FOLH1: variants seen among roughly 807,000 people sequenced by gnomAD.
FOLH1 encodes the protein glutamate carboxypeptidase 2.
Under a neutral mutation model 93.9 loss-of-function variants are expected in FOLH1, and 54 were observed. The observed-to-expected ratio is 0.57, with a 90% confidence interval of 0.46 to 0.72. FOLH1 has a LOEUF of 0.72. FOLH1 is among the 30% of genes least tolerant of loss of function. The pLI, the probability that FOLH1 is intolerant of heterozygous loss-of-function variation, is 0.00. For synonymous variants in FOLH1, 249 were observed against 303.6 expected (o/e 0.82, Z 1.87); for missense variants, 571 against 892.5 (o/e 0.64, Z 4.59).
intron 7 of FOLH1, among the ~76,000 whole-genome samples, chr11:49,181,190 C>T (rs1860688582): frequency 6.6e-6 from 1 of 151,370 alleles, no homozygotes; most frequent in South Asian, 2.1e-4. Context: ...TCACTGCAAC[C>T]TCTGCCTCCC....
rs750250735 is a variant in FOLH1 at position 49,156,732 on chromosome 11, C to G, written c.1608G>C (p.Arg536=). Residue 536 remains arginine, a synonymous_variant, in exon 15 of 19, where the codon CGG becomes CGC. Coordinates refer to ENST00000256999, the MANE Select transcript of FOLH1 (RefSeq NM_004476.3). ...ATTCACTTACCCAATTTTTAGTATA[C>G]CGTGCTCTGCCTGAAGCAATTCCAA... ...QRLGIASGRA[R]YTKNWETNKF... is the part of the protein sequence containing the mutation. 1.2e-6 allele frequency: 2 copies of G among 1,612,534 alleles called. No homozygotes were observed. The highest frequency in any genetic ancestry group is 2.7e-5 in the African/African-American group (2 of 74,814).
chr11:49,174,420 T>G (rs1401266448), intron 9 of FOLH1, among the ~76,000 whole-genome samples: 1 of 152,206 alleles, frequency 6.6e-6, no homozygotes, highest in Non-Finnish European at 1.5e-5. Context: ...GGAAATCATA[T>G]GTCCATATAT....
At chr11:49,204,070 G>C (rs1372646932) in intron 2 of FOLH1, among the ~76,000 whole-genome samples, 3 of 152,334 alleles carry the variant, frequency 2.0e-5, no homozygotes, top group African/African-American at 7.2e-5. Context: ...GAGAGACTCA[G>C]ATGGGCCTGT....
intron 10 of FOLH1, among the ~76,000 whole-genome samples, chr11:49,172,452 T>C (rs957157933): frequency 1.3e-5 from 2 of 152,144 alleles, no homozygotes; most frequent in Non-Finnish European, 2.9e-5. Context: ...TCTCTTATGC[T>C]GCCACATGCT....
At chr11:49,190,525 G>A (rs1355893054) in intron 4 of FOLH1, among the ~76,000 whole-genome samples, 1 of 152,100 alleles carries the variant, frequency 6.6e-6, no homozygotes, top group Non-Finnish European at 1.5e-5. Context: ...ACAGAATTGG[G>A]AGGCAAAACC....
intron 3 of FOLH1, 50 bp from the exon 4 acceptor site, chr11:49,192,944 A>G (rs1269828563): frequency 6.8e-7 from 1 of 1,478,154 alleles, no homozygotes; most frequent in Non-Finnish European, 9.1e-7. Context: ...AAGTTTGATT[A>G]CTGTAATCAA....
At chr11:49,169,167 C>A (rs1264726239) in intron 12 of FOLH1, 28 bp downstream of exon 12, 2 of 1,608,634 alleles carry the variant, frequency 1.2e-6, no homozygotes, top group Non-Finnish European at 1.7e-6. Flanking sequence ...TTAATCACAT[C>A]TTTTCTTATG....
chr11:49,154,636 T>C, intron 15 of FOLH1, 144 bp from the exon 16 acceptor site: 1 of 1,447,918 alleles, frequency 6.9e-7, no homozygotes, highest in Non-Finnish European at 9.1e-7. Flanking sequence ...ACATCCTAAA[T>C]GGCTAATATT....
rs1193032047 is a variant in FOLH1 at position 49,155,835 on chromosome 11, T to TATATAA, written c.1623+881_1623+882insTTATAT. On this transcript the variant is annotated intron_variant, in intron 15 of 18. Coordinates refer to ENST00000256999, the MANE Select transcript of FOLH1 (RefSeq NM_004476.3). The stretch of plus-strand genomic sequence containing the variant: ...ATATATATATATATATATATATATA[T>TATATAA]AATCAACAACAAAAGAAAGGGAATC... Among the ~76,000 whole-genome samples, 1,022 of 121,690 alleles carry TATATAA rather than the reference T, an allele frequency of 8.4e-3. 26 individuals are homozygous for TATATAA. The highest frequency in any genetic ancestry group is 0.013 in the Non-Finnish European group (743 of 58,864). The allele number at this position is 121,690 out of a possible 152,430, so 79.8% of individuals were successfully genotyped here. A position where few individuals can be genotyped will look rare whatever the true frequency, so the allele number is the denominator to read the frequency against.
At chr11:49,206,604 T>A (rs1182087588) in intron 1 of FOLH1, among the ~76,000 whole-genome samples, 1 of 152,258 alleles carries the variant, frequency 6.6e-6, no homozygotes, top group Non-Finnish European at 1.5e-5. Flanking sequence ...TTATAACGAA[T>A]TAATTATGAA....
At chr11:49,176,938 C>G (rs569123209) in intron 7 of FOLH1, among the ~76,000 whole-genome samples, 1 of 152,282 alleles carries the variant, frequency 6.6e-6, no homozygotes, top group East Asian at 1.9e-4. Flanking sequence ...TGGAGAATTT[C>G]AATCTGTCCT....
rs112778000 is a variant in FOLH1 at position 49,192,294 on chromosome 11, G to T, written c.513+499C>A. ...AATATTAATAAAGAAGGCCCAAAGT[G>T]CAAAAACATAAGGAAAATAATTTGA... On this transcript the variant is annotated intron_variant, in intron 4 of 18. Coordinates refer to ENST00000256999, the MANE Select transcript of FOLH1 (RefSeq NM_004476.3). 8.5e-3 allele frequency among the ~76,000 whole-genome samples: 1,286 copies of T among 152,152 alleles called. 18 individuals are homozygous for T. Among genetic ancestry groups the T allele is most frequent in the African/African-American group, 0.03 (1,239 of 41,520 alleles).
In FOLH1 at chr11:49,146,755, C is replaced by G. The variant is rs1855809785; in HGVS notation, c.*1G>C. ...CAATACGGATTCTCTAAAGAATCCT[C>G]TTAGGCTACTTCACTCAAAGTCTCT... On this transcript the variant is annotated 3_prime_UTR_variant, in exon 19 of 19. Transcript: ENST00000256999. 6.2e-7 allele frequency: 1 copy of G among 1,608,388 alleles called. No individual in the cohort carries two copies. The highest frequency in any genetic ancestry group is 1.1e-5 in the South Asian group (1 of 90,336).
intron 2 of FOLH1, among the ~76,000 whole-genome samples, chr11:49,200,893 T>C (rs1863190693): frequency 6.6e-6 from 1 of 152,138 alleles, no homozygotes; most frequent in Admixed American, 6.5e-5. Context: ...GTGATAAACT[T>C]TTTGATTAGC....
Position 49,149,793 on chromosome 11 carries a change from A to G in FOLH1, c.1971-1062T>C, listed in dbSNP as rs376735825. On this transcript the variant is annotated intron_variant, in intron 17 of 18. Transcript: ENST00000256999. ...AGATTTATGTCCATCCTACTTTTAGATATTTTTAATGAAATCATTTTATGT... is the reference window on the plus strand; with the variant it reads ...AGATTTATGTCCATCCTACTTTTAGGTATTTTTAATGAAATCATTTTATGT... 2.5e-4 allele frequency among the ~76,000 whole-genome samples: 38 copies of G among 152,298 alleles called. No homozygotes were observed. In the East Asian group the frequency reaches 5.6e-3, roughly 22 times the overall value.
rs191639669 is a variant in FOLH1 at position 49,145,386 on chromosome 11, T to C, written c.*1370A>G. Among the ~76,000 whole-genome samples the C allele has an allele frequency of 2.8e-3, 431 of 152,278 alleles. 1 individual carries two copies. The highest frequency in any genetic ancestry group is 1.0e-2 in the African/African-American group (414 of 41,582). ...CAGAGCTACACCAGTGCCCAGATTC[T>C]GTAGTTCAGGCTGCTGCTATGGCAC... is the stretch of plus-strand genomic sequence containing the variant. On this transcript the variant is annotated 3_prime_UTR_variant, in exon 19 of 19. Transcript: ENST00000256999.
intron 17 of FOLH1, 66 bp downstream of exon 17, chr11:49,153,780 A>T: frequency 9.6e-7 from 1 of 1,040,302 alleles, no homozygotes; most frequent in South Asian, 3.0e-5. Flanking sequence ...CAGTCATGTT[A>T]GTTTACTTTT....
chr11:49,202,301 T>A (rs1863337330), intron 2 of FOLH1, among the ~76,000 whole-genome samples: 1 of 152,154 alleles, frequency 6.6e-6, no homozygotes, highest in African/African-American at 2.4e-5. Flanking sequence ...TAAACAAGAA[T>A]AAGAATAAAA....
At chr11:49,206,311 T>A in intron 1 of FOLH1, 139 bp from the exon 2 acceptor site, 1 of 1,247,864 alleles carries the variant, frequency 8.0e-7, no homozygotes, top group Non-Finnish European at 1.1e-6. Flanking sequence ...TTCTGAATTT[T>A]AATTTCTCTT....
Sources: gnomAD v4.1 joint callset for allele counts (sites outside exome capture counted in the v4.1 genomes callset) on GRCh38, gnomAD v4.1.1 for gene constraint, MANE v1.5 for transcripts, NCBI Gene and HGNC (gene_info 2026-07-23, HGNC 2026-07-21) for gene names.